The following TENM2 variants were observed in gnomAD, a reference collection of about 807,000 sequenced individuals.
TENM2 encodes the protein teneurin-2.
In TENM2, 52 loss-of-function variants were observed where a neutral mutation model predicts 245.2. The ratio of observed to expected loss-of-function variants is 0.21; its 90% CI spans 0.17 to 0.27. The LOEUF (loss-of-function observed/expected upper bound fraction) is 0.27, where lower values mean the gene tolerates loss of function less well. TENM2 is among the 10% of genes least tolerant of loss of function. The probability of loss-of-function intolerance (pLI) is 1.00; values close to 1 mark genes in which losing one functional copy is unlikely to be tolerated. For synonymous variants in TENM2, 1,363 were observed against 1,438.9 expected, an observed-to-expected ratio of 0.95 and a Z score of 1.19; for missense variants, 3,046 against 3,666.8, an observed-to-expected ratio of 0.83 and a Z score of 4.37.
At chr5:167,453,546 T>C (rs1019930) in intron 2 of TENM2, among the ~76,000 whole-genome samples, 21,167 of 152,186 alleles carry the variant, frequency 0.14, 1,607 homozygotes, top group East Asian at 0.26. Context: ...GGACAAATCA[T>C]ATTGCACCTT....
At chr5:167,766,252 C>A (rs540042553) in intron 2 of TENM2, among the ~76,000 whole-genome samples, 2 of 151,794 alleles carry the variant, frequency 1.3e-5, no homozygotes, top group Non-Finnish European at 2.9e-5. Flanking sequence ...TTAATATGTG[C>A]GAGTATTCTA....
chr5:167,309,201 A>C (rs1755867753), intron 1 of TENM2, among the ~76,000 whole-genome samples: 1 of 152,158 alleles, frequency 6.6e-6, no homozygotes, highest in South Asian at 2.1e-4. Flanking sequence ...TTTGAATATG[A>C]TACCAGAAAG....
chr5:167,475,601 G>A (rs2127519854), intron 2 of TENM2, among the ~76,000 whole-genome samples: 2 of 152,096 alleles, frequency 1.3e-5, no homozygotes, highest in East Asian at 3.9e-4. Context: ...TAGGCTTTAA[G>A]CCCCGCATGC....
chr5:167,641,730 G>A (rs753896419), intron 2 of TENM2, among the ~76,000 whole-genome samples: 13 of 152,154 alleles, frequency 8.5e-5, no homozygotes, highest in Non-Finnish European at 1.8e-4. Flanking sequence ...CTTTCTCTGA[G>A]CTTCAGCTTC....
Position 167,992,873 on chromosome 5 carries a change from G to A in TENM2, c.948-71G>A, listed in dbSNP as rs1674993885. Reference sequence around the variant, plus strand: ...ATGCTAGGACTAGATAGAGCAGAGTGGAAGAAAAATAGCTAAATGTTGCTC... The same window carrying A: ...ATGCTAGGACTAGATAGAGCAGAGTAGAAGAAAAATAGCTAAATGTTGCTC... On this transcript the variant is annotated intron_variant, in intron 4 of 28. Coordinates refer to ENST00000518659, the Ensembl canonical transcript of TENM2. The A allele has an allele frequency of 7.4e-6, 9 of 1,223,348 alleles. No homozygotes were observed. The South Asian group carries it at 1.0e-4, about 14-fold the overall frequency. The allele number at this position is 1,223,348 out of a possible 1,614,324, so 75.8% of individuals were successfully genotyped here. A position where few individuals can be genotyped will look rare whatever the true frequency, so the allele number is the denominator to read the frequency against.
chr5:167,631,534 T>C (rs568726306), intron 2 of TENM2, among the ~76,000 whole-genome samples: 1 of 152,148 alleles, frequency 6.6e-6, no homozygotes, highest in East Asian at 1.9e-4. Flanking sequence ...CTTATGTAAG[T>C]CGTGCAGGCC....
At chr5:168,104,003 GGTTTGTTTGTTTGTTT>G (rs61381928) in intron 9 of TENM2, among the ~76,000 whole-genome samples, 21 of 150,000 alleles carry the variant, frequency 1.4e-4, no homozygotes, top group South Asian at 4.3e-4. Flanking sequence ...TTTCTTTTCT[GGTTTGTTTGTTTGTTT>G]GTTTGTTTGT....
exon 21 of TENM2, chr5:168,215,231 A>G: frequency 9.9e-6 from 16 of 1,613,820 alleles, no homozygotes; most frequent in Non-Finnish European, 1.4e-5. Flanking sequence ...CGCTGCGGGG[A>G]TGGAGGGAAG....
At chr5:167,893,218 A>G (rs563471851) in intron 3 of TENM2, among the ~76,000 whole-genome samples, 1 of 152,278 alleles carries the variant, frequency 6.6e-6, no homozygotes, top group East Asian at 1.9e-4. Flanking sequence ...ATTCAGGCCA[A>G]AGAGTTGGTA....
At chr5:168,248,500 A>C in intron 27 of TENM2, 129 bp downstream of exon 29, 1 of 900,210 alleles carries the variant, frequency 1.1e-6, no homozygotes, top group South Asian at 1.7e-5. Context: ...CAGGCAGTGC[A>C]GTTGGCAGCA....
intron 27 of TENM2, among the ~76,000 whole-genome samples, chr5:168,254,418 AGAAGAGGAAAGAGGGAAAGGGGAG>A (rs1437162031): frequency 2.6e-5 from 4 of 152,012 alleles, no homozygotes; most frequent in African/African-American, 9.7e-5. Context: ...GAAAATTTAA[AGAAGAGGAAAGAGGGAAAGGGGAG>A]GGAGAGGAAG....
At chr5:167,394,177 C>A (rs1362583297) in intron 2 of TENM2, among the ~76,000 whole-genome samples, 1 of 152,160 alleles carries the variant, frequency 6.6e-6, no homozygotes, top group African/African-American at 2.4e-5. Flanking sequence ...CCCGTGATGT[C>A]ATGTTCAAGA....
the TENM2 span, among the ~76,000 whole-genome samples, chr5:167,107,659 G>A: frequency 6.6e-6 from 1 of 152,156 alleles, no homozygotes; most frequent in African/African-American, 2.4e-5. Flanking sequence ...TGGGGCTAAG[G>A]TTTGCATAAA....
At chr5:167,301,500 CCTCTA>C (rs953017120) in intron 1 of TENM2, among the ~76,000 whole-genome samples, 22 of 152,102 alleles carry the variant, frequency 1.4e-4, no homozygotes, top group Non-Finnish European at 1.5e-5. Flanking sequence ...CACTTGGCTG[CCTCTA>C]CTCTATTATT....
At chr5:167,584,016 A>G (rs1993612) in intron 2 of TENM2, among the ~76,000 whole-genome samples, 93,985 of 152,088 alleles carry the variant, frequency 0.62, 29,998 homozygotes, top group Middle Eastern at 0.74. Flanking sequence ...ACTCTGTGAT[A>G]CTGTAACAAT....
At chr5:168,116,960 T>C (rs1320902555) in intron 9 of TENM2, among the ~76,000 whole-genome samples, 1 of 152,220 alleles carries the variant, frequency 6.6e-6, no homozygotes, top group African/African-American at 2.4e-5. Context: ...TGAAGGCCTC[T>C]AATGCCACTT....
chr5:167,186,342 G>A, the TENM2 span, among the ~76,000 whole-genome samples: 1 of 152,158 alleles, frequency 6.6e-6, no homozygotes, highest in Non-Finnish European at 1.5e-5. Context: ...TCTGACCTTT[G>A]TGACCCAGGC....
chr5:167,203,077 A>G, the TENM2 span, among the ~76,000 whole-genome samples: 1 of 152,220 alleles, frequency 6.6e-6, no homozygotes, highest in East Asian at 1.9e-4. Context: ...AATCCAATGC[A>G]GAACACATAT....
the TENM2 span, among the ~76,000 whole-genome samples, chr5:167,126,986 A>G: frequency 2.6e-5 from 4 of 151,974 alleles, no homozygotes; most frequent in Non-Finnish European, 4.4e-5. Flanking sequence ...TTCACTAAGC[A>G]TAGAAGTGAA....
Sources: gnomAD v4.1 joint callset for allele counts (sites outside exome capture counted in the v4.1 genomes callset) on GRCh38, gnomAD v4.1.1 for gene constraint, MANE v1.5 for transcripts, NCBI Gene and HGNC (gene_info 2026-07-23, HGNC 2026-07-21) for gene names.